Variants in ANKRD30BL observed in about 807,000 individuals in gnomAD.
The protein encoded by ANKRD30BL is putative ankyrin repeat domain-containing protein 30B-like.
A neutral mutation model predicts 18.4 loss-of-function variants in ANKRD30BL; 20 were observed. The observed-to-expected ratio is 1.09, with a 90% confidence interval of 0.77 to 1.58. The LOEUF is 1.58. Ranked by LOEUF, ANKRD30BL falls within the 40% of genes most tolerant of loss-of-function variation. ANKRD30BL has a pLI of 0.00. For missense variants in ANKRD30BL, 224 were observed against 268.6 expected (o/e 0.83, Z 1.16); for synonymous variants, 72 against 100.9 (o/e 0.71, Z 1.72).
intron 1 of ANKRD30BL, among the ~76,000 whole-genome samples, chr2:132,252,058 C>T (rs537328182): frequency 1.3e-5 from 2 of 152,204 alleles, no homozygotes; most frequent in Non-Finnish European, 2.9e-5. Context: ...GAAAACACTA[C>T]CTTTTCCAAC....
chr2:132,196,989 A>G (rs1043967913), intron 1 of ANKRD30BL, among the ~76,000 whole-genome samples: 1 of 152,224 alleles, frequency 6.6e-6, no homozygotes, highest in Non-Finnish European at 1.5e-5. Flanking sequence ...TAGGAGTTTC[A>G]AAAGGAGTCC....
At chr2:132,225,225 C>T (rs1184368696) in intron 1 of ANKRD30BL, among the ~76,000 whole-genome samples, 2 of 151,640 alleles carry the variant, frequency 1.3e-5, no homozygotes, top group Non-Finnish European at 2.9e-5. Context: ...AGAGTTGATC[C>T]TTTCTTTTGA....
rs550518121 is a variant in ANKRD30BL, at chr2:132,219,745, C to A, written n.441+37784G>T. Among the ~76,000 whole-genome samples the A allele has an allele frequency of 1.7e-4, 26 of 152,082 alleles. No individual in the cohort carries two copies. The East Asian group carries it at 4.8e-3, about 28-fold the overall frequency. On this transcript the variant is annotated intron_variant and non_coding_transcript_variant, in intron 1 of 4. Coordinates refer to the ANKRD30BL transcript ENST00000470729. ...GAGTTGAACCTTTTTTTTGATAGAG[C>A]AGTTTTGAAACACTCTTTCTGTAGA...
At chr2:132,240,789 G>A (rs1206059439) in intron 1 of ANKRD30BL, among the ~76,000 whole-genome samples, 1 of 151,692 alleles carries the variant, frequency 6.6e-6, no homozygotes, top group African/African-American at 2.4e-5. Flanking sequence ...TCTGGAAGTG[G>A]ACATTTGGAG....
At chr2:132,162,855 G>A, upstream of ANKRD30BL, among the ~76,000 whole-genome samples, 1 of 152,252 alleles carries the variant, frequency 6.6e-6, no homozygotes, top group African/African-American at 2.4e-5. Flanking sequence ...TGGGCCCAGA[G>A]GGGAAGAGGG....
At chr2:132,210,805 T>C (rs1474655200) in intron 1 of ANKRD30BL, among the ~76,000 whole-genome samples, 1 of 148,348 alleles carries the variant, frequency 6.7e-6, no homozygotes. Flanking sequence ...ATTCAGCAGT[T>C]TTGAAAAACA....
At chr2:132,231,980 G>A (rs1175683763) in intron 1 of ANKRD30BL, among the ~76,000 whole-genome samples, 4 of 152,202 alleles carry the variant, frequency 2.6e-5, no homozygotes, top group African/African-American at 7.2e-5. Flanking sequence ...GCATGCAGCT[G>A]GAGATCTGAG....
intron 1 of ANKRD30BL, among the ~76,000 whole-genome samples, chr2:132,188,443 G>A (rs546341703): frequency 2.4e-4 from 37 of 152,308 alleles, no homozygotes; most frequent in African/African-American, 8.4e-4. Context: ...CGGGCAGGGC[G>A]CGGTGGCTCA....
rs1415136624 is a variant in ANKRD30BL, at chr2:132,147,759, C to T, written c.*372G>A. ...TAGGGTTGGACTGCACACTCTAAGC[C>T]AATTCAGATTGGCTATTTAAAGAGG... On this transcript the variant is annotated 3_prime_UTR_variant, in exon 6 of 6. Coordinates refer to ENST00000409867, the MANE Select transcript of ANKRD30BL (RefSeq NM_001358416.1). 1 of 257,756 alleles carries T rather than the reference C, an allele frequency of 3.9e-6. No homozygotes were observed. The highest frequency in any genetic ancestry group is 7.8e-6 in the Non-Finnish European group (1 of 128,320). 16.0% of individuals were successfully genotyped at this position (257,756 alleles called of 1,614,324 possible).
At chr2:132,249,749 G>C (rs1680601934) in intron 1 of ANKRD30BL, among the ~76,000 whole-genome samples, 1 of 152,050 alleles carries the variant, frequency 6.6e-6, no homozygotes, top group Non-Finnish European at 1.5e-5. Context: ...GTTCAACTCT[G>C]TGAGATGAAT....
chr2:132,227,155 T>C (rs1226539668), intron 1 of ANKRD30BL, among the ~76,000 whole-genome samples: 1 of 152,086 alleles, frequency 6.6e-6, no homozygotes, highest in Non-Finnish European at 1.5e-5. Context: ...TTGTAGAATA[T>C]GCTAGTGGAT....
At chr2:132,192,689 C>CT (rs1258282106) in intron 1 of ANKRD30BL, among the ~76,000 whole-genome samples, 2 of 152,338 alleles carry the variant, frequency 1.3e-5, no homozygotes, top group East Asian at 3.9e-4. Context: ...CACCAGCAAC[C>CT]TTCCTTCAGC....
chr2:132,196,784 G>C (rs1285535180), intron 1 of ANKRD30BL, among the ~76,000 whole-genome samples: 7 of 151,478 alleles, frequency 4.6e-5, no homozygotes, highest in African/African-American at 1.7e-4. Flanking sequence ...TTCAGCCTGG[G>C]TGACAGAGCA....
intron 1 of ANKRD30BL, among the ~76,000 whole-genome samples, chr2:132,180,336 A>T (rs963332700): frequency 2.0e-5 from 3 of 151,926 alleles, no homozygotes; most frequent in Non-Finnish European, 4.4e-5. Context: ...TTTGTAGCCT[A>T]GGAGCAACAG....
chr2:132,225,711 G>A (rs1330820522), intron 1 of ANKRD30BL, among the ~76,000 whole-genome samples: 4 of 152,088 alleles, frequency 2.6e-5, no homozygotes, highest in African/African-American at 4.8e-5. Context: ...CTTTGGCTGT[G>A]TGCATTCACC....
At chr2:132,209,146 G>A (rs1286931487) in intron 1 of ANKRD30BL, among the ~76,000 whole-genome samples, 1 of 151,022 alleles carries the variant, frequency 6.6e-6, no homozygotes, top group African/African-American at 2.4e-5. Context: ...TATTTTGAGT[G>A]CTTTGGGGCC....
chr2:132,175,700 G>A (rs1423204462), intron 1 of ANKRD30BL, among the ~76,000 whole-genome samples: 1 of 152,216 alleles, frequency 6.6e-6, no homozygotes, highest in Non-Finnish European at 1.5e-5. Flanking sequence ...GCTTTCCAGG[G>A]CAGAGGTCCC....
chr2:132,207,825 A>G (rs1679238489), intron 1 of ANKRD30BL, among the ~76,000 whole-genome samples: 3 of 152,172 alleles, frequency 2.0e-5, no homozygotes, highest in Non-Finnish European at 4.4e-5. Context: ...TCCCTTGGAA[A>G]CTGAGAAGGC....
chr2:132,234,972 A>C (rs1680115207), intron 1 of ANKRD30BL, among the ~76,000 whole-genome samples: 1 of 152,192 alleles, frequency 6.6e-6, no homozygotes, highest in African/African-American at 2.4e-5. Flanking sequence ...GCAGAACATC[A>C]AAAAGCTTAT....
Sources: gnomAD v4.1 joint callset for allele counts (sites outside exome capture counted in the v4.1 genomes callset) on GRCh38, gnomAD v4.1.1 for gene constraint, MANE v1.5 for transcripts, NCBI Gene and HGNC (gene_info 2026-07-23, HGNC 2026-07-21) for gene names.